Variants in SCAPER observed in about 807,000 individuals in gnomAD.
The protein encoded by SCAPER is S-phase cyclin A associated protein in the ER.
A neutral mutation model predicts 182.2 loss-of-function variants in SCAPER; 98 were observed. The observed-to-expected ratio is 0.54, with a 90% CI of 0.46 to 0.64. SCAPER has a LOEUF of 0.64. Ranked by LOEUF, SCAPER falls within the 30% of genes least tolerant of loss-of-function variation. The pLI, the probability that SCAPER is intolerant of heterozygous loss-of-function variation, is 0.00. For synonymous variants in SCAPER, 605 were observed against 564.6 expected (o/e 1.07, Z -1.01); for missense variants, 1,432 against 1,690.0 (o/e 0.85, Z 2.68).
rs559912449 is a variant in SCAPER at position 76,574,577 on chromosome 15, A to T, written c.2712-293T>A. Among the ~76,000 whole-genome samples the T allele has an allele frequency of 2.0e-5, 3 of 152,334 alleles. No individual in the cohort carries two copies. The South Asian group carries it at 6.2e-4, about 32-fold the overall frequency. On this transcript the variant is annotated intron_variant, in intron 22 of 31. Coordinates refer to ENST00000563290, the MANE Select transcript of SCAPER (RefSeq NM_020843.4). ...TTCTGTATGATTCTTAAATTAGAAC[A>T]GAATTAGGAAGGGGGAGAAGGCCAG...
At chr15:76,815,237 AC>A (rs1354692281) in intron 5 of SCAPER, among the ~76,000 whole-genome samples, 1 of 152,202 alleles carries the variant, frequency 6.6e-6, no homozygotes, top group Non-Finnish European at 1.5e-5. Flanking sequence ...CTACCATATG[AC>A]CCAAAAATCC....
In SCAPER at chr15:76,664,833, T is replaced by C. The variant is rs77845222; in HGVS notation, c.2645+820A>G. Among the ~76,000 whole-genome samples the C allele has an allele frequency of 7.2e-5, 11 of 152,316 alleles. No homozygotes were observed. The East Asian group carries it at 1.7e-3, about 24-fold the overall frequency. On this transcript the variant is annotated intron_variant, in intron 21 of 31. Transcript: ENST00000563290. ...TTAAATGAGCACTCTGAAGTTATCA[T>C]TGATTATGTAAATTGAAATAGACAC...
intron 22 of SCAPER, among the ~76,000 whole-genome samples, chr15:76,591,777 G>A (rs1179537575): frequency 6.6e-6 from 1 of 152,160 alleles, no homozygotes; most frequent in East Asian, 1.9e-4. Flanking sequence ...TAAAAATATA[G>A]GCTGGGCCGC....
chr15:76,534,155 G>A lies in SCAPER; in HGVS notation c.2839-29181C>T, dbSNP rs547520699. Among the ~76,000 whole-genome samples, 111 of 152,302 alleles carry A rather than the reference G, an allele frequency of 7.3e-4. 1 individual carries two copies. The highest frequency in any genetic ancestry group is 2.6e-3 in the African/African-American group (109 of 41,562). On this transcript the variant is annotated intron_variant, in intron 23 of 31. Coordinates refer to ENST00000563290, the MANE Select transcript of SCAPER (RefSeq NM_020843.4). Reference sequence around the variant, plus strand: ...GCTTGACTCAGTTATGTTGAGGCCAGCCATTTCTGACAGTCTCTACAATGT... The same window carrying A: ...GCTTGACTCAGTTATGTTGAGGCCAACCATTTCTGACAGTCTCTACAATGT...
chr15:76,503,056 GAAAACAAAAC>G (rs139731777), intron 24 of SCAPER, among the ~76,000 whole-genome samples: 6 of 151,144 alleles, frequency 4.0e-5, no homozygotes, highest in South Asian at 4.2e-4. Flanking sequence ...AAGCCTACCA[GAAAACAAAAC>G]AAAACAAAAC....
At chr15:76,889,146 C>G (rs918090970) in intron 1 of SCAPER, among the ~76,000 whole-genome samples, 12 of 152,112 alleles carry the variant, frequency 7.9e-5, no homozygotes, top group African/African-American at 2.4e-4. Context: ...TTGTTACCAC[C>G]AGGCCTGCCT....
chr15:76,714,895 A>G (rs990648047), intron 17 of SCAPER, among the ~76,000 whole-genome samples: 1 of 152,084 alleles, frequency 6.6e-6, no homozygotes, highest in African/African-American at 2.4e-5. Context: ...TCAATCAACT[A>G]ATTACCACAT....
rs151132634 is a variant in SCAPER at position 76,825,255 on chromosome 15, A to AT, written c.393+16478dup. ...CACAAAGGTTGAATACAATTTGGTG[A>AT]TTTTTTTTTTAAATCACACAACTAG... On this transcript the variant is annotated intron_variant, in intron 5 of 31. Transcript: ENST00000563290. Among the ~76,000 whole-genome samples, 1,500 of 150,464 alleles carry AT rather than the reference A, an allele frequency of 1.0e-2. 21 individuals carry two copies. Among genetic ancestry groups the AT allele is most frequent in the African/African-American group, 0.034 (1,414 of 41,024 alleles).
intron 24 of SCAPER, among the ~76,000 whole-genome samples, chr15:76,480,480 A>G (rs1230706496): frequency 1.3e-5 from 2 of 152,194 alleles, no homozygotes; most frequent in Non-Finnish European, 2.9e-5. Context: ...GCACGTACCA[A>G]TTCTAGAGGC....
intron 17 of SCAPER, among the ~76,000 whole-genome samples, chr15:76,724,735 G>C (rs1442552088): frequency 6.6e-6 from 1 of 152,076 alleles, no homozygotes; most frequent in African/African-American, 2.4e-5. Flanking sequence ...TGAGTCTTGT[G>C]CATTTGTCAC....
In SCAPER at chr15:76,504,955, G is replaced by A. The variant is rs1173184087; in HGVS notation, c.2858C>T (p.Ala953Val). 1.2e-6 allele frequency: 2 copies of A among 1,612,130 alleles called. No homozygotes were observed. Among genetic ancestry groups the A allele is most frequent in the Non-Finnish European group, 1.7e-6 (2 of 1,179,236 alleles). ...LEKENVADQI[A>V]FQAAGGLTAL... Reference sequence around the variant, plus strand: ...TGTTAATCCACCAGCAGCTTGAAATGCAATCTGATCTGCCACATTCTAGAC... The same window carrying A: ...TGTTAATCCACCAGCAGCTTGAAATACAATCTGATCTGCCACATTCTAGAC... Residue 953 changes from alanine (A) to valine (V), a missense_variant, in exon 24 of 32, where the codon GCA becomes GTA. Ala to Val is a moderately conservative substitution (Grantham distance 64, BLOSUM62 0). Coordinates refer to ENST00000563290, the MANE Select transcript of SCAPER (RefSeq NM_020843.4).
chr15:76,364,389 AAGT>A (rs1479062676), intron 29 of SCAPER, among the ~76,000 whole-genome samples: 4 of 152,038 alleles, frequency 2.6e-5, no homozygotes, highest in African/African-American at 7.2e-5. Context: ...AGAGGAAAGA[AAGT>A]AGCCAGGATC....
intron 23 of SCAPER, among the ~76,000 whole-genome samples, chr15:76,556,494 A>T (rs2046207937): frequency 6.6e-6 from 1 of 152,214 alleles, no homozygotes; most frequent in African/African-American, 2.4e-5. Flanking sequence ...AGACTAATAA[A>T]CAAAAACAGA....
chr15:76,757,595 C>T (rs1375436874), intron 14 of SCAPER, among the ~76,000 whole-genome samples: 1 of 152,022 alleles, frequency 6.6e-6, no homozygotes, highest in Non-Finnish European at 1.5e-5. Flanking sequence ...TCTTTTTGAT[C>T]CAGATTTCAA....
intron 23 of SCAPER, among the ~76,000 whole-genome samples, chr15:76,546,948 T>C (rs2045350484): frequency 6.6e-6 from 1 of 152,150 alleles, no homozygotes; most frequent in South Asian, 2.1e-4. Context: ...CTGCCATTTT[T>C]CCACTGATGA....
At chr15:76,652,154 G>A (rs1410698518) in intron 21 of SCAPER, among the ~76,000 whole-genome samples, 5 of 146,906 alleles carry the variant, frequency 3.4e-5, no homozygotes, top group African/African-American at 5.1e-5. Context: ...GGGCTCACGT[G>A]AGCCTGTAAT....
At chr15:76,461,453 C>T (rs2142969588) in intron 25 of SCAPER, among the ~76,000 whole-genome samples, 1 of 151,416 alleles carries the variant, frequency 6.6e-6, no homozygotes, top group South Asian at 2.1e-4. Context: ...TTCTCTCCTG[C>T]AATATTTATT....
chr15:76,688,738 T>C (rs2058174718), intron 20 of SCAPER, among the ~76,000 whole-genome samples: 1 of 151,938 alleles, frequency 6.6e-6, no homozygotes, highest in South Asian at 2.1e-4. Context: ...GATCGGATGG[T>C]TGTGTGGTGT....
chr15:76,878,024 G>A (rs1034410539), intron 2 of SCAPER, among the ~76,000 whole-genome samples: 1 of 152,160 alleles, frequency 6.6e-6, no homozygotes, highest in Non-Finnish European at 1.5e-5. Flanking sequence ...AATGGTTCAG[G>A]AAGAAAAGTA....
Sources: allele counts gnomAD v4.1 joint callset (sites outside exome capture counted in the v4.1 genomes callset), GRCh38; gene constraint gnomAD v4.1.1; transcripts MANE v1.5; gene names NCBI Gene and HGNC (gene_info 2026-07-23, HGNC 2026-07-21).